Variants in RAB31 observed in about 807,000 individuals in gnomAD.
RAB31 encodes RAB31, member RAS oncogene family.
Under a neutral mutation model 25.6 loss-of-function variants are expected in RAB31, and 21 were observed. That is an observed-to-expected ratio of 0.82 (90% CI 0.58 to 1.18). RAB31 has a LOEUF of 1.18. RAB31 is among the 50% of genes most tolerant of loss of function. The probability of loss-of-function intolerance (pLI) is 0.00; values close to 1 mark genes in which losing one functional copy is unlikely to be tolerated. For synonymous variants in RAB31, 87 were observed against 84.0 expected (o/e 1.04, Z -0.20); for missense variants, 196 against 250.1 (o/e 0.78, Z 1.46).
intron 5 of RAB31, among the ~76,000 whole-genome samples, chr18:9,836,942 GAATGGGGTGAAATAGATGGGA>G (rs2068708503): frequency 1.3e-5 from 2 of 150,672 alleles, no homozygotes; most frequent in African/African-American, 4.9e-5. Flanking sequence ...TCAGCATAAG[GAATGGGGTGAAATAGATGGGA>G]AGAGTCAGTG....
intron 6 of RAB31, among the ~76,000 whole-genome samples, chr18:9,846,708 A>T (rs573925772): frequency 6.6e-6 from 1 of 152,178 alleles, no homozygotes; most frequent in Non-Finnish European, 1.5e-5. Flanking sequence ...TTCCCAGAAC[A>T]GTTTTGATTT....
At chr18:9,711,051 C>G (rs1437935424) in intron 1 of RAB31, among the ~76,000 whole-genome samples, 1 of 151,988 alleles carries the variant, frequency 6.6e-6, no homozygotes, top group African/African-American at 2.4e-5. Context: ...CTGGCTCTTT[C>G]CTGGGTGAGA....
At chr18:9,719,835 C>A (rs1283558227) in intron 1 of RAB31, among the ~76,000 whole-genome samples, 3 of 152,214 alleles carry the variant, frequency 2.0e-5, no homozygotes, top group African/African-American at 7.2e-5. Context: ...GTGTTTCTAA[C>A]CCTGCTTTTC....
At chr18:9,747,539 A>C (rs905652723) in intron 1 of RAB31, among the ~76,000 whole-genome samples, 1 of 152,244 alleles carries the variant, frequency 6.6e-6, no homozygotes, top group Non-Finnish European at 1.5e-5. Flanking sequence ...AAAATGAATA[A>C]ACTACCGACA....
At chr18:9,807,347 C>A (rs1472001560) in intron 3 of RAB31, among the ~76,000 whole-genome samples, 1 of 152,164 alleles carries the variant, frequency 6.6e-6, no homozygotes, top group African/African-American at 2.4e-5. Context: ...TGGGAGAGAC[C>A]AAACCAGCCT....
chr18:9,800,399 A>G (rs2068507928), intron 3 of RAB31, among the ~76,000 whole-genome samples: 1 of 152,154 alleles, frequency 6.6e-6, no homozygotes, highest in African/African-American at 2.4e-5. Context: ...AAAAACCTGA[A>G]GCTGTAGAGC....
At chr18:9,809,003 T>C (rs1209629057) in intron 3 of RAB31, among the ~76,000 whole-genome samples, 3 of 133,108 alleles carry the variant, frequency 2.3e-5, no homozygotes, top group Non-Finnish European at 5.0e-5. Context: ...GATTAGGAGA[T>C]TTCCTGGAAT....
chr18:9,819,641 C>G (rs933320836), intron 5 of RAB31, among the ~76,000 whole-genome samples: 1 of 152,090 alleles, frequency 6.6e-6, no homozygotes, highest in Non-Finnish European at 1.5e-5. Context: ...TGTGTTGAAT[C>G]TTTAGGCCCA....
intron 1 of RAB31, among the ~76,000 whole-genome samples, chr18:9,742,809 C>T (rs938944705): frequency 6.6e-6 from 1 of 152,106 alleles, no homozygotes; most frequent in Non-Finnish European, 1.5e-5. Context: ...TTTTCCCCAG[C>T]GAAATGGAAC....
chr18:9,743,299 A>T (rs539036109), intron 1 of RAB31, among the ~76,000 whole-genome samples: 1 of 152,384 alleles, frequency 6.6e-6, no homozygotes, highest in Non-Finnish European at 1.5e-5. Context: ...CGAAAGCTAT[A>T]AAACAATATG....
chr18:9,853,122 A>G (rs1228723402), intron 6 of RAB31, among the ~76,000 whole-genome samples: 1 of 152,128 alleles, frequency 6.6e-6, no homozygotes, highest in African/African-American at 2.4e-5. Context: ...TATTTTGGAT[A>G]CATATTTTTT....
intron 1 of RAB31, among the ~76,000 whole-genome samples, chr18:9,759,789 G>A (rs938318455): frequency 2.0e-5 from 3 of 152,232 alleles, no homozygotes; most frequent in African/African-American, 7.2e-5. Context: ...CCTCTCTATG[G>A]TGGTAGAAAT....
intron 5 of RAB31, among the ~76,000 whole-genome samples, chr18:9,819,986 G>C: frequency 6.6e-6 from 1 of 151,920 alleles, no homozygotes; most frequent in East Asian, 1.9e-4. Flanking sequence ...CTATATACAA[G>C]ATTATATTAT....
At chr18:9,765,377 A>G (rs1199546233) in intron 1 of RAB31, among the ~76,000 whole-genome samples, 1 of 152,218 alleles carries the variant, frequency 6.6e-6, no homozygotes, top group African/African-American at 2.4e-5. Flanking sequence ...CCTAGAACAG[A>G]GTGTGAAGAC....
intron 1 of RAB31, among the ~76,000 whole-genome samples, chr18:9,751,478 G>A (rs1245673321): frequency 6.6e-6 from 1 of 152,190 alleles, no homozygotes; most frequent in Non-Finnish European, 1.5e-5. Context: ...GATACACTGA[G>A]CATAACTGGC....
intron 1 of RAB31, chr18:9,725,894 A>G (rs1367934337): frequency 6.6e-6 from 1 of 152,218 alleles, no homozygotes; most frequent in Admixed American, 6.5e-5. Flanking sequence ...ATGCGTTTAT[A>G]ATAATACCAA....
At chr18:9,731,596 CTTTTTTT>C (rs10685568) in intron 1 of RAB31, among the ~76,000 whole-genome samples, 7 of 107,636 alleles carry the variant, frequency 6.5e-5, no homozygotes, top group Non-Finnish European at 1.1e-4. Context: ...TGGGAATTTG[CTTTTTTT>C]TTTTTTTTTT....
chr18:9,806,558 C>A (rs1226571718), intron 3 of RAB31, among the ~76,000 whole-genome samples: 2 of 151,956 alleles, frequency 1.3e-5, no homozygotes, highest in South Asian at 2.1e-4. Flanking sequence ...AGGGGAGGGG[C>A]CCAAGAAGGG....
intron 3 of RAB31, among the ~76,000 whole-genome samples, chr18:9,812,176 C>A (rs777135547): frequency 1.3e-5 from 2 of 152,174 alleles, no homozygotes; most frequent in African/African-American, 4.8e-5. Context: ...CCTAAGGGCC[C>A]CACCTCCTAA....
Sources: allele counts gnomAD v4.1 joint callset (sites outside exome capture counted in the v4.1 genomes callset), GRCh38; gene constraint gnomAD v4.1.1; transcripts MANE v1.5; gene names NCBI Gene and HGNC (gene_info 2026-07-23, HGNC 2026-07-21).